SYT1: variants seen among roughly 807,000 people sequenced by gnomAD.
The protein encoded by SYT1 is synaptotagmin-1.
A neutral mutation model predicts 44.8 loss-of-function variants in SYT1; 8 were observed. The observed-to-expected ratio is 0.18, with a 90% confidence interval of 0.10 to 0.32. The LOEUF (loss-of-function observed/expected upper bound fraction) is 0.32. SYT1 is among the 10% of genes least tolerant of loss of function. The pLI, the probability that SYT1 is intolerant of heterozygous loss-of-function variation, is 1.00. For missense variants in SYT1, 286 were observed against 509.3 expected (o/e 0.56, Z 4.22); for synonymous variants, 154 against 188.8 (o/e 0.82, Z 1.51).
intron 3 of SYT1, among the ~76,000 whole-genome samples, chr12:79,179,314 A>C (rs897073129): frequency 3.6e-4 from 21 of 58,326 alleles, no homozygotes; most frequent in Non-Finnish European, 4.8e-4. Context: ...ATATCTATAT[A>C]GATATAGATA....
At chr12:79,318,235 G>T (rs983555024) in intron 8 of SYT1, among the ~76,000 whole-genome samples, 1 of 152,160 alleles carries the variant, frequency 6.6e-6, no homozygotes, top group Non-Finnish European at 1.5e-5. Context: ...CAGATAAGGA[G>T]TTGTGCCTCC....
At chr12:79,214,490 T>G (rs540041702) in intron 3 of SYT1, among the ~76,000 whole-genome samples, 2 of 152,376 alleles carry the variant, frequency 1.3e-5, no homozygotes, top group East Asian at 3.9e-4. Context: ...ATTGTTCCTA[T>G]AGTCTTTTAT....
chr12:79,223,810 A>G (rs1284808272), intron 4 of SYT1, among the ~76,000 whole-genome samples: 2 of 152,168 alleles, frequency 1.3e-5, no homozygotes, highest in Non-Finnish European at 2.9e-5. Context: ...TAGGTCTTGA[A>G]TATAAGGCCG....
At chr12:79,269,997 A>C (rs1292501095) in intron 4 of SYT1, among the ~76,000 whole-genome samples, 1 of 152,172 alleles carries the variant, frequency 6.6e-6, no homozygotes, top group Non-Finnish European at 1.5e-5. Flanking sequence ...GAGGTGGCTA[A>C]TGAGTGTATT....
intron 6 of SYT1, among the ~76,000 whole-genome samples, chr12:79,292,738 G>A (rs1018722825): frequency 2.6e-5 from 4 of 151,968 alleles, no homozygotes; most frequent in African/African-American, 9.7e-5. Flanking sequence ...AAGTGACAAG[G>A]AACTAAAGGA....
At chr12:79,212,709 T>C (rs547058516) in intron 3 of SYT1, among the ~76,000 whole-genome samples, 5 of 152,348 alleles carry the variant, frequency 3.3e-5, no homozygotes, top group African/African-American at 1.2e-4. Flanking sequence ...ATGACTTGTG[T>C]CTTCCATTTA....
chr12:78,993,271 C>T (rs995302718), intron 2 of SYT1, among the ~76,000 whole-genome samples: 1 of 152,170 alleles, frequency 6.6e-6, no homozygotes, highest in African/African-American at 2.4e-5. Flanking sequence ...ATTGACTGAG[C>T]TGCATAATCA....
chr12:79,080,852 A>G (rs1470690679), intron 3 of SYT1, among the ~76,000 whole-genome samples: 2 of 152,194 alleles, frequency 1.3e-5, no homozygotes, highest in Non-Finnish European at 2.9e-5. Context: ...CTTCGTCAAA[A>G]CAGTTTAAGA....
Position 79,012,690 on chromosome 12 carries a change from T to C in SYT1, c.-83-34607T>C, listed in dbSNP as rs560076946. Among the ~76,000 whole-genome samples the C allele has an allele frequency of 3.3e-5, 5 of 152,290 alleles. No individual in the cohort carries two copies. In the South Asian group the frequency reaches 1.0e-3, roughly 32 times the overall value. On this transcript the variant is annotated intron_variant, in intron 2 of 10. Coordinates refer to ENST00000261205, the MANE Select transcript of SYT1 (RefSeq NM_005639.3). ...ATATTTCCTGGTTCCTTGTGAAGTG[T>C]GTAGGCAAAAACAGCCAGCTGTCTA... is the stretch of plus-strand genomic sequence containing the variant.
intron 1 of SYT1, among the ~76,000 whole-genome samples, chr12:78,880,362 T>C (rs1035733336): frequency 2.0e-4 from 31 of 151,684 alleles, no homozygotes; most frequent in African/African-American, 7.3e-4. Flanking sequence ...TCCTGACCAG[T>C]CTTGTAGTAC....
chr12:78,929,703 T>C (rs1877526706), intron 1 of SYT1, among the ~76,000 whole-genome samples: 1 of 150,904 alleles, frequency 6.6e-6, no homozygotes, highest in South Asian at 2.1e-4. Flanking sequence ...CTTAATTTAT[T>C]CCTTCTGAGC....
At chr12:79,325,675 A>C (rs1881579007) in intron 8 of SYT1, among the ~76,000 whole-genome samples, 1 of 152,326 alleles carries the variant, frequency 6.6e-6, no homozygotes, top group East Asian at 1.9e-4. Flanking sequence ...GCTACAGATA[A>C]GGTTCATGGA....
intron 2 of SYT1, among the ~76,000 whole-genome samples, chr12:78,998,470 G>A (rs915168756): frequency 5.9e-5 from 9 of 152,296 alleles, no homozygotes; most frequent in Non-Finnish European, 1.2e-4. Context: ...CATGTCTACT[G>A]TGCCATGACA....
At chr12:78,923,945 T>G (rs117329130) in intron 1 of SYT1, among the ~76,000 whole-genome samples, 1 of 152,124 alleles carries the variant, frequency 6.6e-6, no homozygotes, top group East Asian at 1.9e-4. Context: ...AATATCATCT[T>G]ATGCCTTGCA....
At position 79,353,696 on chromosome 12, in the gene SYT1, G is replaced by T. The variant is rs939447584; in HGVS notation, c.928+77G>T. The T allele has an allele frequency of 2.8e-5, 29 of 1,025,308 alleles. 1 individual carries two copies. The South Asian group carries it at 3.6e-4, about 13-fold the overall frequency. 63.5% of individuals were successfully genotyped at this position (1,025,308 alleles called of 1,614,324 possible). On this transcript the variant is annotated intron_variant, in intron 9 of 10. Coordinates refer to ENST00000261205, the MANE Select transcript of SYT1 (RefSeq NM_005639.3). ...ACCAAATGCATGGCGCACATGCTGC[G>T]ACTCCCCACTTCTTAATTGATCACA...
Position 78,915,088 on chromosome 12 carries a change from G to C in SYT1, c.-217+49979G>C, listed in dbSNP as rs1876570125. On this transcript the variant is annotated intron_variant, in intron 1 of 10. Transcript: ENST00000261205. ...ATGAGCTATTGAACGTTTTAAAATAGAAAGGTGATGTCATCAGAGAGATGC... is the reference window on the plus strand; with the variant it reads ...ATGAGCTATTGAACGTTTTAAAATACAAAGGTGATGTCATCAGAGAGATGC... 4.7e-5 allele frequency among the ~76,000 whole-genome samples: 4 copies of C among 85,866 alleles called. No homozygotes were observed. In the South Asian group the frequency reaches 1.2e-3, roughly 25 times the overall value. The allele number at this position is 85,866 out of a possible 152,430, so 56.3% of individuals were successfully genotyped here.
chr12:79,127,506 A>G (rs1868515301), intron 3 of SYT1, among the ~76,000 whole-genome samples: 1 of 152,264 alleles, frequency 6.6e-6, no homozygotes, highest in African/African-American at 2.4e-5. Flanking sequence ...TAATGTTTCT[A>G]AAGCTCAGAT....
At chr12:79,064,939 A>G (rs553481723) in intron 3 of SYT1, among the ~76,000 whole-genome samples, 1 of 106,438 alleles carries the variant, frequency 9.4e-6, no homozygotes, top group South Asian at 3.0e-4. Context: ...AAAGAAAGAA[A>G]GAAAGAAAGA....
At chr12:79,094,278 A>T (rs1877974323) in intron 3 of SYT1, among the ~76,000 whole-genome samples, 1 of 151,848 alleles carries the variant, frequency 6.6e-6, no homozygotes, top group African/African-American at 2.4e-5. Flanking sequence ...CTATTTAATT[A>T]CTTTAAAACC....
Sources: allele counts gnomAD v4.1 joint callset (sites outside exome capture counted in the v4.1 genomes callset), GRCh38; gene constraint gnomAD v4.1.1; transcripts MANE v1.5; gene names NCBI Gene and HGNC (gene_info 2026-07-23, HGNC 2026-07-21).